CDC25C: variants seen among roughly 807,000 people sequenced by gnomAD.
CDC25C encodes M-phase inducer phosphatase 3.
CDC25C carries 48 observed loss-of-function variants against 52.5 expected under a neutral mutation model. That is an observed-to-expected ratio of 0.91 (90% CI 0.72 to 1.16). CDC25C has a LOEUF of 1.16. Ranked by LOEUF, CDC25C falls within the 50% of genes most tolerant of loss-of-function variation. The pLI is 0.00. For synonymous variants in CDC25C, 187 were observed against 206.5 expected (o/e 0.91, Z 0.81); for missense variants, 510 against 566.1 (o/e 0.90, Z 1.01).
At chr5:138,320,170 TAGCATGTGCCTGTAATCCC>T (rs1274316706) in intron 6 of CDC25C, among the ~76,000 whole-genome samples, 1 of 152,098 alleles carries the variant, frequency 6.6e-6, no homozygotes, top group Non-Finnish European at 1.5e-5. Context: ...CCGGGCATGG[TAGCATGTGCCTGTAATCCC>T]AGCTACTTGG....
chr5:138,318,121 G>C (rs1180615270), intron 7 of CDC25C, among the ~76,000 whole-genome samples: 1 of 152,172 alleles, frequency 6.6e-6, no homozygotes, highest in Non-Finnish European at 1.5e-5. Context: ...TTGAGGTCAG[G>C]AGTTCGAGAC....
In CDC25C at chr5:138,307,984, T is replaced by C. The variant is rs956642435; in HGVS notation, c.615+11235A>G. On this transcript the variant is annotated intron_variant, in intron 7 of 13. Coordinates refer to ENST00000323760, the MANE Select transcript of CDC25C (RefSeq NM_001790.5). Reference sequence around the variant, plus strand: ...AGATTCTCACAAGGAACCGGCAACCTAGATCCCTCGCATGCGCAGTTCACA... The same window carrying C: ...AGATTCTCACAAGGAACCGGCAACCCAGATCCCTCGCATGCGCAGTTCACA... 2.6e-5 allele frequency among the ~76,000 whole-genome samples: 4 copies of C among 152,146 alleles called. No individual in the cohort carries two copies. In the South Asian group the frequency reaches 8.3e-4, roughly 32 times the overall value.
intron 6 of CDC25C, 92 bp downstream of exon 6, chr5:138,325,723 G>T (rs529267859): frequency 3.5e-6 from 3 of 847,338 alleles, no homozygotes; most frequent in Admixed American, 2.1e-5. Flanking sequence ...AGCATACGAG[G>T]TATAAACAGT....
At chr5:138,333,179 A>G (rs11567950), upstream of CDC25C, among the ~76,000 whole-genome samples, 10 of 152,340 alleles carry the variant, frequency 6.6e-5, no homozygotes, top group East Asian at 5.8e-4. Flanking sequence ...GAAAATTTCC[A>G]TAATAAAAAT....
At position 138,331,232 on chromosome 5, in the gene CDC25C, G is replaced by A; in HGVS notation, c.-38-14C>T. 1 of 1,539,816 alleles carries A rather than the reference G, an allele frequency of 6.5e-7. No individual in the cohort carries two copies. The highest frequency in any genetic ancestry group is 1.7e-5 in the Admixed American group (1 of 59,686). On this transcript the variant is annotated splice_polypyrimidine_tract_variant and intron_variant, in intron 1 of 13. Coordinates refer to ENST00000323760, the MANE Select transcript of CDC25C (RefSeq NM_001790.5). ...AACAAAACCTAGCTAGGAGGAAAAC[G>A]TCATCTAAATCGGTACATCACAGTT...
intron 8 of CDC25C, 93 bp from the exon 9 acceptor site, chr5:138,290,833 T>A: frequency 1.3e-6 from 1 of 766,230 alleles, no homozygotes; most frequent in Non-Finnish European, 2.3e-6. Context: ...CGCACATCTG[T>A]AATCCTAGCT....
chr5:138,336,424 C>T (rs10074910), upstream of CDC25C, among the ~76,000 whole-genome samples: 5,461 of 152,240 alleles, frequency 0.036, 130 homozygotes, highest in African/African-American at 0.052. Flanking sequence ...TGAGACACCA[C>T]GCCAATCCCA....
chr5:138,310,633 G>A (rs75599346), intron 7 of CDC25C, among the ~76,000 whole-genome samples: 1 of 152,046 alleles, frequency 6.6e-6, no homozygotes, highest in Non-Finnish European at 1.5e-5. Flanking sequence ...TAACTCATTC[G>A]ATCCTGACAA....
At chr5:138,315,045 T>C (rs1206444877) in intron 7 of CDC25C, among the ~76,000 whole-genome samples, 1 of 151,520 alleles carries the variant, frequency 6.6e-6, no homozygotes, top group African/African-American at 2.4e-5. Context: ...GCGATTCTAC[T>C]GCCTCAGCCA....
chr5:138,296,288 T>C (rs35397950), intron 7 of CDC25C, among the ~76,000 whole-genome samples: 1 of 152,056 alleles, frequency 6.6e-6, no homozygotes, highest in Non-Finnish European at 1.5e-5. Flanking sequence ...CAGGCTGGAG[T>C]GCAGTGGCAC....
At chr5:138,289,408 G>C in intron 10 of CDC25C, 93 bp downstream of exon 10, 2 of 902,052 alleles carry the variant, frequency 2.2e-6, no homozygotes, top group Non-Finnish European at 3.7e-6. Flanking sequence ...TGAACACAGT[G>C]AAAGAAATAC....
At chr5:138,296,608 ATTTT>A (rs35152436) in intron 7 of CDC25C, among the ~76,000 whole-genome samples, 1 of 135,598 alleles carries the variant, frequency 7.4e-6, no homozygotes, top group Non-Finnish European at 1.6e-5. Context: ...ATTATTAATT[ATTTT>A]TTTTTTTTTT....
intron 2 of CDC25C, among the ~76,000 whole-genome samples, chr5:138,330,037 G>C (rs180793168): frequency 7.9e-5 from 12 of 152,108 alleles, no homozygotes; most frequent in Non-Finnish European, 1.5e-5. Flanking sequence ...GGCCAAGCCT[G>C]TTCATTTGAA....
At position 138,337,853 on chromosome 5, in the gene CDC25C, G is replaced by A. The variant is rs1207166300; in HGVS notation, c.13+103C>T. 6.8e-6 allele frequency: 5 copies of A among 730,208 alleles called. No individual in the cohort carries two copies. In the Admixed American group the frequency reaches 1.5e-4, roughly 21 times the overall value. 45.2% of individuals were successfully genotyped at this position (730,208 alleles called of 1,614,324 possible). A position where few individuals can be genotyped will look rare whatever the true frequency, so the allele number is the denominator to read the frequency against. ...CGTGGAGGGCGGGGCAGCAGAGCAG[G>A]TGAGGGGCACTGTGGCTAATTGCGT... On this transcript the variant is annotated intron_variant, in intron 1 of 5. Coordinates refer to the CDC25C transcript ENST00000510119.
At chr5:138,325,568 T>C (rs1759782665) in intron 6 of CDC25C, among the ~76,000 whole-genome samples, 2 of 152,168 alleles carry the variant, frequency 1.3e-5, no homozygotes, top group East Asian at 3.8e-4. Context: ...ATTTTTGTCC[T>C]CAAAATGATC....
At chr5:138,307,369 G>A (rs1311927856) in intron 7 of CDC25C, among the ~76,000 whole-genome samples, 1 of 150,902 alleles carries the variant, frequency 6.6e-6, no homozygotes, top group East Asian at 2.0e-4. Context: ...GCATGTGCCT[G>A]TAGTCCCAGC....
chr5:138,297,302 C>T (rs1055393237), intron 7 of CDC25C, among the ~76,000 whole-genome samples: 5 of 152,014 alleles, frequency 3.3e-5, no homozygotes, highest in South Asian at 2.1e-4. Context: ...CTCAAGTGAT[C>T]GGCCCACCTC....
chr5:138,294,268 T>C (rs946683724), intron 7 of CDC25C, among the ~76,000 whole-genome samples: 5 of 151,622 alleles, frequency 3.3e-5, no homozygotes, highest in African/African-American at 4.8e-5. Flanking sequence ...CTCGGCTCAT[T>C]GCAACCTCTA....
At chr5:138,288,463 G>A (rs1241738414) in intron 10 of CDC25C, among the ~76,000 whole-genome samples, 5 of 152,100 alleles carry the variant, frequency 3.3e-5, no homozygotes, top group African/African-American at 7.2e-5. Flanking sequence ...TTGGGAGGCT[G>A]AGGAGGGTGG....
Sources: gnomAD v4.1 joint callset for allele counts (sites outside exome capture counted in the v4.1 genomes callset) on GRCh38, gnomAD v4.1.1 for gene constraint, MANE v1.5 for transcripts, NCBI Gene and HGNC (gene_info 2026-07-23, HGNC 2026-07-21) for gene names.